The following ADAMTS3 variants were observed in gnomAD, a reference collection of about 807,000 sequenced individuals.
The protein encoded by ADAMTS3 is ADAM metallopeptidase with thrombospondin type 1 motif 3.
ADAMTS3 carries 73 observed loss-of-function variants against 129.0 expected under a neutral mutation model. The observed-to-expected ratio is 0.57, with a 90% CI of 0.47 to 0.69. The LOEUF (loss-of-function observed/expected upper bound fraction) is 0.69, where lower values mean the gene tolerates loss of function less well. ADAMTS3 is among the 30% of genes least tolerant of loss of function. The pLI is 0.00. For synonymous variants in ADAMTS3, 477 were observed against 510.8 expected, an observed-to-expected ratio of 0.93 and a Z score of 0.89; for missense variants, 1,457 against 1,514.5, an observed-to-expected ratio of 0.96 and a Z score of 0.63.
chr4:72,295,740 T>C lies in ADAMTS3; in HGVS notation c.2637A>G (p.Lys879=). The change falls in exon 19 of 22, where the codon AAA becomes AAG. Residue 879 remains lysine (K), a synonymous_variant. Transcript: ENST00000286657. ...KYGCRRKSDN[K]MVHRSFCEAN... is the part of the protein sequence containing the mutation. ...CCTCACAGAAGCTGCGATGGACCAT[T>C]TTATTATCACTTTTCCTACGGCATC... is the stretch of plus-strand genomic sequence containing the variant. The C allele has an allele frequency of 1.2e-6, 2 of 1,612,948 alleles. No individual in the cohort carries two copies. Among genetic ancestry groups the C allele is most frequent in the Non-Finnish European group, 1.7e-6 (2 of 1,179,164 alleles).
At position 72,568,835 on chromosome 4, in the gene ADAMTS3, A is replaced by C; in HGVS notation, c.-73T>G. The C allele has an allele frequency of 9.7e-7, 1 of 1,028,160 alleles. No individual in the cohort carries two copies. Among genetic ancestry groups the C allele is most frequent in the Non-Finnish European group, 1.4e-6 (1 of 736,978 alleles). 63.7% of individuals were successfully genotyped at this position (1,028,160 alleles called of 1,614,324 possible). A position where few individuals can be genotyped will look rare whatever the true frequency, so the allele number is the denominator to read the frequency against. On this transcript the variant is annotated 5_prime_UTR_variant, in exon 1 of 22. Coordinates refer to ENST00000286657, the MANE Select transcript of ADAMTS3 (RefSeq NM_014243.3). ...AGCAAACCCACCCCCCCCGCCCAAA[A>C]TAAGTTTCTTTAAGAAAAAAAGGAA...
chr4:72,295,302 T>C (rs915991794), intron 19 of ADAMTS3, among the ~76,000 whole-genome samples: 10 of 151,688 alleles, frequency 6.6e-5, no homozygotes, highest in African/African-American at 2.4e-4. Context: ...TGCGGAGTGG[T>C]CATAAAATAA....
At chr4:72,332,377 T>C (rs1458535514) in intron 5 of ADAMTS3, among the ~76,000 whole-genome samples, 5 of 152,186 alleles carry the variant, frequency 3.3e-5, no homozygotes, top group Non-Finnish European at 1.5e-5. Flanking sequence ...TTACAAATAT[T>C]GGTTAGGGAA....
intron 4 of ADAMTS3, among the ~76,000 whole-genome samples, chr4:72,375,135 T>C (rs1721105510): frequency 6.6e-6 from 1 of 152,184 alleles, no homozygotes; most frequent in South Asian, 2.1e-4. Context: ...TAGCATTATC[T>C]CACCCTTCAG....
chr4:72,473,065 G>A (rs7662580), intron 3 of ADAMTS3, among the ~76,000 whole-genome samples: 96,442 of 151,902 alleles, frequency 0.63, 31,041 homozygotes, highest in South Asian at 0.79. Context: ...CAAAACAAAC[G>A]ATAATTTAAT....
intron 3 of ADAMTS3, among the ~76,000 whole-genome samples, chr4:72,521,138 C>T (rs970241321): frequency 6.6e-6 from 1 of 151,982 alleles, no homozygotes; most frequent in African/African-American, 2.4e-5. Flanking sequence ...GCTGATACTA[C>T]AGGTTCCTGC....
At chr4:72,513,045 CAGT>C (rs1387208875) in intron 3 of ADAMTS3, among the ~76,000 whole-genome samples, 3 of 152,188 alleles carry the variant, frequency 2.0e-5, no homozygotes, top group Non-Finnish European at 4.4e-5. Context: ...GTCTCAGCTT[CAGT>C]TACCTCCTTT....
chr4:72,339,699 A>T lies in ADAMTS3; in HGVS notation c.662-6T>A. 6.2e-7 allele frequency: 1 copy of T among 1,612,168 alleles called. No homozygotes were observed. On this transcript the variant is annotated splice_polypyrimidine_tract_variant and splice_region_variant and intron_variant, in intron 4 of 21. Coordinates refer to ENST00000286657, the MANE Select transcript of ADAMTS3 (RefSeq NM_014243.3). ...AAGGCCTTCCAGGTCCGACTCTAAT[A>T]AGAGACAAAAGGAACCAGGAATTTC... is the stretch of plus-strand genomic sequence containing the variant.
At chr4:72,563,452 A>T (rs1245477514) in intron 2 of ADAMTS3, among the ~76,000 whole-genome samples, 1 of 152,176 alleles carries the variant, frequency 6.6e-6, no homozygotes, top group Middle Eastern at 3.2e-3. Flanking sequence ...AGCTTAGCTT[A>T]TCTTTCCTGA....
chr4:72,500,556 G>T (rs911491888), intron 3 of ADAMTS3, among the ~76,000 whole-genome samples: 6 of 152,116 alleles, frequency 3.9e-5, no homozygotes, highest in Non-Finnish European at 8.8e-5. Context: ...TTCCCATTCT[G>T]TAGGTTGTCT....
At chr4:72,300,846 C>T (rs1718931363) in intron 17 of ADAMTS3, among the ~76,000 whole-genome samples, 1 of 152,110 alleles carries the variant, frequency 6.6e-6, no homozygotes. Flanking sequence ...CATGGAAAAG[C>T]TGGGGAACAA....
At chr4:72,366,342 C>G (rs1720866635) in intron 4 of ADAMTS3, among the ~76,000 whole-genome samples, 2 of 152,144 alleles carry the variant, frequency 1.3e-5, no homozygotes, top group African/African-American at 4.8e-5. Context: ...TCTCGCTATT[C>G]ACTATTGTAT....
At chr4:72,354,794 A>G (rs1015041795) in intron 4 of ADAMTS3, among the ~76,000 whole-genome samples, 1 of 151,970 alleles carries the variant, frequency 6.6e-6, no homozygotes, top group African/African-American at 2.4e-5. Flanking sequence ...TCATCAGGTC[A>G]TTGCCAAATT....
In ADAMTS3 at chr4:72,517,580, A is replaced by G. The variant is rs558920265; in HGVS notation, c.504+30898T>C. ...TTAGTCTTGGGAGGGTGTATGTGTCAAGGAATTTATCCATTTCTTCTAGAT... is the reference window on the plus strand; with the variant it reads ...TTAGTCTTGGGAGGGTGTATGTGTCGAGGAATTTATCCATTTCTTCTAGAT... On this transcript the variant is annotated intron_variant, in intron 3 of 21. Transcript: ENST00000286657. Among the ~76,000 whole-genome samples the G allele has an allele frequency of 5.5e-3, 833 of 152,126 alleles. 10 individuals carry two copies. Among genetic ancestry groups the G allele is most frequent in the African/African-American group, 0.019 (804 of 41,488 alleles).
intron 2 of ADAMTS3, among the ~76,000 whole-genome samples, chr4:72,560,830 C>A (rs1432425387): frequency 1.3e-5 from 2 of 152,052 alleles, no homozygotes; most frequent in African/African-American, 4.8e-5. Flanking sequence ...TGCACGTGTA[C>A]CCTGGAACTT....
intron 6 of ADAMTS3, among the ~76,000 whole-genome samples, chr4:72,321,428 CT>C (rs1719553213): frequency 6.6e-6 from 1 of 151,900 alleles, no homozygotes; most frequent in African/African-American, 2.4e-5. Flanking sequence ...AATGATCTTC[CT>C]GCCTCAGCCT....
chr4:72,470,562 G>A lies in ADAMTS3; in HGVS notation c.505-55591C>T, dbSNP rs929843489. ...TGCATGACTTATAGTAATAGTTCTC[G>A]AAATTTAACCTGTGAATCCCTGAAG... On this transcript the variant is annotated intron_variant, in intron 3 of 21. Coordinates refer to ENST00000286657, the MANE Select transcript of ADAMTS3 (RefSeq NM_014243.3). Among the ~76,000 whole-genome samples, 4 of 151,444 alleles carry A rather than the reference G, an allele frequency of 2.6e-5. No individual in the cohort carries two copies. In the South Asian group the frequency reaches 6.3e-4, roughly 24 times the overall value.
At chr4:72,320,025 C>T in intron 7 of ADAMTS3, 62 bp from the exon 8 acceptor site, 2 of 1,429,392 alleles carry the variant, frequency 1.4e-6, no homozygotes, top group Non-Finnish European at 2.0e-6. Context: ...AGAATTACAA[C>T]TGGACTTTTG....
chr4:72,428,917 G>T (rs1722633154), intron 3 of ADAMTS3, among the ~76,000 whole-genome samples: 1 of 151,982 alleles, frequency 6.6e-6, no homozygotes, highest in Non-Finnish European at 1.5e-5. Context: ...TTTAAAAGAT[G>T]ATTGTAAGAC....
Sources: allele counts gnomAD v4.1 joint callset (sites outside exome capture counted in the v4.1 genomes callset), GRCh38; gene constraint gnomAD v4.1.1; transcripts MANE v1.5; gene names NCBI Gene and HGNC (gene_info 2026-07-23, HGNC 2026-07-21).